Variants in SRP9 observed in about 807,000 individuals in gnomAD.
SRP9 encodes the protein signal recognition particle 9, also known as signal recognition particle 9 kDa protein.
A neutral mutation model predicts 11.7 loss-of-function variants in SRP9; 2 were observed. That is an observed-to-expected ratio of 0.17 (90% CI 0.07 to 0.54). The LOEUF is 0.54. Ranked by LOEUF, SRP9 falls within the 20% of genes least tolerant of loss-of-function variation. The pLI is 0.94. For missense variants in SRP9, 54 were observed against 108.1 expected (o/e 0.50, Z 2.22); for synonymous variants, 27 against 35.6 (o/e 0.76, Z 0.86).
Position 225,778,113 on chromosome 1 carries a change from G to A in SRP9, c.72+101G>A. The A allele has an allele frequency of 2.3e-6, 3 of 1,301,240 alleles. No homozygotes were observed. The South Asian group carries it at 3.8e-5, about 17-fold the overall frequency. 80.6% of individuals were successfully genotyped at this position (1,301,240 alleles called of 1,614,324 possible). On this transcript the variant is annotated intron_variant, in intron 1 of 2. Transcript: ENST00000304786. Reference sequence around the variant, plus strand: ...TTCCCCAGCGCTCCCAGGAGGTGCTGGGAATGAACACAAATGGACCCTGCC... The same window carrying A: ...TTCCCCAGCGCTCCCAGGAGGTGCTAGGAATGAACACAAATGGACCCTGCC...
chr1:225,777,844 C>G lies in SRP9; in HGVS notation c.-97C>G. ...AGGAGGCGCCGCCATCTTGGGGCTG[C>G]TGGGACTCGCGTCGGTTGGCGACTC... On this transcript the variant is annotated 5_prime_UTR_variant, in exon 1 of 3. Coordinates refer to ENST00000304786, the MANE Select transcript of SRP9 (RefSeq NM_003133.6). 1 of 1,243,870 alleles carries G rather than the reference C, an allele frequency of 8.0e-7. No homozygotes were observed. The highest frequency in any genetic ancestry group is 1.3e-5 in the South Asian group (1 of 77,692). 77.1% of individuals were successfully genotyped at this position (1,243,870 alleles called of 1,614,324 possible). A position where few individuals can be genotyped will look rare whatever the true frequency, so the allele number is the denominator to read the frequency against.
rs1026912834 is a variant in SRP9, at chr1:225,789,648, G to A, written c.*289G>A. On this transcript the variant is annotated 3_prime_UTR_variant, in exon 3 of 3. Coordinates refer to ENST00000304786, the MANE Select transcript of SRP9 (RefSeq NM_003133.6). ...ATGTAATTGTTTCTCTGGCAAATTT[G>A]TATCAGTAATTTGAAAATGAGATAT... The A allele has an allele frequency of 4.7e-6, 1 of 211,878 alleles. No individual in the cohort carries two copies. Among genetic ancestry groups the A allele is most frequent in the Admixed American group, 5.4e-5 (1 of 18,616 alleles). The allele number at this position is 211,878 out of a possible 1,614,324, so 13.1% of individuals were successfully genotyped here.
intron 1 of SRP9, among the ~76,000 whole-genome samples, chr1:225,778,325 C>T: frequency 6.6e-6 from 1 of 152,252 alleles, no homozygotes; most frequent in East Asian, 1.9e-4. Context: ...GGCTCCTCCC[C>T]CTGCAGCTTC....
chr1:225,788,694 G>A lies in SRP9; in HGVS notation c.142-546G>A, dbSNP rs74323976. On this transcript the variant is annotated intron_variant, in intron 2 of 2. Transcript: ENST00000304786. ...CTCCCAGAGTGCTGGGATTACAGGC[G>A]TAAGCCACCACGCCTGGCCAAGAAA... Among the ~76,000 whole-genome samples the A allele has an allele frequency of 2.1e-3, 325 of 152,246 alleles. 9 individuals are homozygous for A. The East Asian group carries it at 0.042, about 20-fold the overall frequency.
At chr1:225,779,662 A>G (rs1355682933) in intron 1 of SRP9, among the ~76,000 whole-genome samples, 3 of 152,226 alleles carry the variant, frequency 2.0e-5, no homozygotes, top group African/African-American at 4.8e-5. Flanking sequence ...GCTGTAAAAC[A>G]TACTTCTATT....
intron 2 of SRP9, among the ~76,000 whole-genome samples, chr1:225,784,951 A>AT (rs565384938): frequency 1.0e-3 from 154 of 152,062 alleles, no homozygotes; most frequent in African/African-American, 3.3e-3. Context: ...AATTAAAAAA[A>AT]TTTTTTTAGA....
intron 2 of SRP9, among the ~76,000 whole-genome samples, chr1:225,785,794 TGCCTCG>T (rs1665897760): frequency 6.6e-6 from 1 of 151,856 alleles, no homozygotes; most frequent in African/African-American, 2.4e-5. Flanking sequence ...GCAATTCTCC[TGCCTCG>T]GCCTCCCAAG....
chr1:225,784,133 G>A (rs1665850002), intron 2 of SRP9, among the ~76,000 whole-genome samples: 1 of 145,672 alleles, frequency 6.9e-6, no homozygotes. Flanking sequence ...ACTTGCAAAT[G>A]TGTGTTTAGT....
At chr1:225,786,902 G>A in intron 2 of SRP9, 2 of 1,029,752 alleles carry the variant, frequency 1.9e-6, no homozygotes, top group African/African-American at 1.7e-5. Flanking sequence ...CAGTGCAGTG[G>A]CATGATCATA....
chr1:225,778,236 A>G (rs989688263), intron 1 of SRP9, among the ~76,000 whole-genome samples: 1 of 152,030 alleles, frequency 6.6e-6, no homozygotes, highest in African/African-American at 2.4e-5. Context: ...AGCCCTAAAC[A>G]TTTCTGCAAT....
chr1:225,786,883 C>T (rs1417365490), intron 2 of SRP9: 1 of 1,171,168 alleles, frequency 8.5e-7, no homozygotes, highest in East Asian at 5.8e-5. Context: ...TGCTCTATTG[C>T]TCAGGCTGCA....
chr1:225,786,843 T>G (rs1414362602), intron 2 of SRP9: 1 of 1,263,742 alleles, frequency 7.9e-7, no homozygotes, highest in Non-Finnish European at 1.0e-6. Flanking sequence ...GTTGGTTGAT[T>G]GCTTTTTTTT....
intron 2 of SRP9, among the ~76,000 whole-genome samples, chr1:225,785,444 G>A (rs1029824060): frequency 3.3e-5 from 5 of 150,278 alleles, no homozygotes; most frequent in African/African-American, 1.2e-4. Flanking sequence ...GTGCAGTGGC[G>A]CAATCTCGGC....
In SRP9 at chr1:225,777,886, T is replaced by A. The variant is rs558134800; in HGVS notation, c.-55T>A. On this transcript the variant is annotated 5_prime_UTR_variant, in exon 1 of 3. Transcript: ENST00000304786. Reference sequence around the variant, plus strand: ...TGGCGACTCCCGGACGTAGGTAGTTTGTTGGGCCGGGTTCTGAGGCCTTGC... The same window carrying A: ...TGGCGACTCCCGGACGTAGGTAGTTAGTTGGGCCGGGTTCTGAGGCCTTGC... The A allele has an allele frequency of 7.5e-4, 1,157 of 1,541,558 alleles. 1 individual carries two copies. The highest frequency in any genetic ancestry group is 1.4e-3 in the Admixed American group (77 of 56,722).
chr1:225,783,275 T>C (rs374384551), intron 1 of SRP9, 25 bp from the exon 2 acceptor site: 80 of 1,574,520 alleles, frequency 5.1e-5, no homozygotes, highest in Non-Finnish European at 6.7e-5. Flanking sequence ...TCTTCACTGT[T>C]TCTAAATATG....
At chr1:225,784,550 A>G (rs1371203207) in intron 2 of SRP9, among the ~76,000 whole-genome samples, 1 of 151,518 alleles carries the variant, frequency 6.6e-6, no homozygotes, top group African/African-American at 2.4e-5. Flanking sequence ...CACCCGGCCT[A>G]TCATCTGTTC....
rs1379576946 is a variant in SRP9 at position 225,789,796 on chromosome 1, T to C, written c.*437T>C. ...TGTATGCTGTTGTGACCAATAAATA[T>C]AAAATATGGTAATTGGAATTAACTC... On this transcript the variant is annotated 3_prime_UTR_variant, in exon 3 of 3. Transcript: ENST00000304786. 1 of 164,784 alleles carries C rather than the reference T, an allele frequency of 6.1e-6. No homozygotes were observed. The highest frequency in any genetic ancestry group is 1.3e-5 in the Non-Finnish European group (1 of 75,014). 10.2% of individuals were successfully genotyped at this position (164,784 alleles called of 1,614,324 possible).
rs1384384800 is a variant in SRP9 at position 225,789,559 on chromosome 1, T to C, written c.*200T>C. ...TCAGTTAGAAAGCCTTTATTTACTT[T>C]TGGAAATTGAACAAGAAATGCATCT... On this transcript the variant is annotated 3_prime_UTR_variant, in exon 3 of 3. Transcript: ENST00000304786. 5 of 456,592 alleles carry C rather than the reference T, an allele frequency of 1.1e-5. No individual in the cohort carries two copies. Among genetic ancestry groups the C allele is most frequent in the African/African-American group, 6.1e-5 (3 of 49,568 alleles). 28.3% of individuals were successfully genotyped at this position (456,592 alleles called of 1,614,324 possible).
intron 1 of SRP9, among the ~76,000 whole-genome samples, chr1:225,779,432 C>G (rs972790172): frequency 1.1e-4 from 17 of 152,176 alleles, no homozygotes; most frequent in Admixed American, 2.6e-4. Flanking sequence ...GTGTGAGCCA[C>G]TGCGCCCAGC....
Sources: gnomAD v4.1 joint callset for allele counts (sites outside exome capture counted in the v4.1 genomes callset) on GRCh38, gnomAD v4.1.1 for gene constraint, MANE v1.5 for transcripts, NCBI Gene and HGNC (gene_info 2026-07-23, HGNC 2026-07-21) for gene names.